The following EDNRB variants were observed in gnomAD, a reference collection of about 807,000 sequenced individuals.
The protein encoded by EDNRB is Hirschsprung disease 2.
Under a neutral mutation model 46.4 loss-of-function variants are expected in EDNRB, and 18 were observed. The ratio of observed to expected loss-of-function variants is 0.39; its 90% confidence interval spans 0.27 to 0.57. EDNRB has a LOEUF of 0.57. Among genes scored for constraint, EDNRB ranks in the 20% least tolerant of loss-of-function variants. The pLI is 0.61. For missense variants in EDNRB, 434 were observed against 537.5 expected (o/e 0.81, Z 1.90); for synonymous variants, 213 against 204.9 (o/e 1.04, Z -0.34).
intron 1 of EDNRB, among the ~76,000 whole-genome samples, chr13:77,969,522 G>A (rs1309177974): frequency 6.6e-6 from 1 of 152,148 alleles, no homozygotes; most frequent in Admixed American, 6.5e-5. Context: ...TTGGGTCTGA[G>A]AAAGTTCTAA....
chr13:77,944,414 C>G (rs996960173), intron 1 of EDNRB, among the ~76,000 whole-genome samples: 7 of 152,102 alleles, frequency 4.6e-5, no homozygotes, highest in Non-Finnish European at 1.0e-4. Context: ...TTTAGTAACT[C>G]ACTGCTCCCA....
At chr13:77,969,043 T>A (rs1881654813) in intron 1 of EDNRB, among the ~76,000 whole-genome samples, 1 of 152,180 alleles carries the variant, frequency 6.6e-6, no homozygotes, top group African/African-American at 2.4e-5. Flanking sequence ...AAAACAGTTT[T>A]CTAAGAAGCA....
chr13:77,926,992 T>A (rs1307417433), intron 1 of EDNRB, among the ~76,000 whole-genome samples: 1 of 152,206 alleles, frequency 6.6e-6, no homozygotes, highest in Admixed American at 6.5e-5. Context: ...ATGAGAACAG[T>A]ATGGGGGAAA....
rs886050325 is a variant in EDNRB, at chr13:77,899,844, G to A, written c.1194+15C>T. 4.4e-6 allele frequency: 7 copies of A among 1,589,846 alleles called. No homozygotes were observed. Among genetic ancestry groups the A allele is most frequent in the East Asian group, 2.2e-5 (1 of 44,618 alleles). The stretch of plus-strand genomic sequence containing the variant: ...CATATTACAAAGAGCTTTTTATTTT[G>A]GGATAGTCTCTTACCTTAAAGCAGT... On this transcript the variant is annotated intron_variant, in intron 6 of 6. Coordinates refer to ENST00000646607, the MANE Select transcript of EDNRB (RefSeq NM_001122659.3).
chr13:77,933,731 G>A (rs1490243237), intron 1 of EDNRB, among the ~76,000 whole-genome samples: 2 of 152,158 alleles, frequency 1.3e-5, no homozygotes, highest in Non-Finnish European at 2.9e-5. Context: ...GATAATGGGC[G>A]ATGTTTCTCA....
upstream of EDNRB, among the ~76,000 whole-genome samples, chr13:77,920,210 A>T (rs1566319065): frequency 1.3e-5 from 2 of 152,230 alleles, no homozygotes; most frequent in Non-Finnish European, 2.9e-5. Flanking sequence ...ACATGAAAAT[A>T]ATCAGAAAGC....
At chr13:77,917,136 C>T (rs917004051) in intron 1 of EDNRB, among the ~76,000 whole-genome samples, 1 of 152,158 alleles carries the variant, frequency 6.6e-6, no homozygotes, top group African/African-American at 2.4e-5. Context: ...TGGTCTTGTC[C>T]ATGAAATAAT....
chr13:77,897,196 C>G lies in EDNRB; in HGVS notation c.*1004G>C. ...TATGAGGTCACTGGCATCTCTCCATCGTAAAGCTATGAGCACAGGGCCTGC... is the reference window on the plus strand; with the variant it reads ...TATGAGGTCACTGGCATCTCTCCATGGTAAAGCTATGAGCACAGGGCCTGC... On this transcript the variant is annotated 3_prime_UTR_variant, in exon 7 of 7. Transcript: ENST00000646607. The G allele has an allele frequency of 1.0e-6, 1 of 985,352 alleles. No homozygotes were observed. The highest frequency in any genetic ancestry group is 1.1e-4 in the East Asian group (1 of 8,774). The allele number at this position is 985,352 out of a possible 1,614,324, so 61.0% of individuals were successfully genotyped here.
chr13:77,946,687 C>T (rs1880929941), intron 1 of EDNRB, among the ~76,000 whole-genome samples: 1 of 152,270 alleles, frequency 6.6e-6, no homozygotes, highest in Admixed American at 6.5e-5. Context: ...ATCCACAAAG[C>T]ACAATGACAG....
chr13:77,958,816 A>C (rs1277976216), intron 1 of EDNRB, among the ~76,000 whole-genome samples: 1 of 152,232 alleles, frequency 6.6e-6, no homozygotes, highest in East Asian at 1.9e-4. Context: ...AATTAATGTA[A>C]ATGTGAAGGC....
intron 1 of EDNRB, among the ~76,000 whole-genome samples, chr13:77,958,512 A>G (rs1048269923): frequency 4.6e-5 from 7 of 152,100 alleles, no homozygotes; most frequent in Non-Finnish European, 1.0e-4. Context: ...AGCTGGGACT[A>G]TGGGCACCCA....
At chr13:77,967,378 A>G (rs914645275) in intron 1 of EDNRB, among the ~76,000 whole-genome samples, 2 of 152,180 alleles carry the variant, frequency 1.3e-5, no homozygotes, top group African/African-American at 2.4e-5. Flanking sequence ...CTCTAGCACC[A>G]TCATCCTTCT....
intron 1 of EDNRB, among the ~76,000 whole-genome samples, chr13:77,970,058 T>A (rs181086480): frequency 6.6e-6 from 1 of 152,214 alleles, no homozygotes; most frequent in African/African-American, 2.4e-5. Context: ...AATTCCAAGA[T>A]TTTTTAGGAA....
In EDNRB at chr13:77,900,617, A is replaced by G; in HGVS notation, c.989T>C (p.Leu330Pro). 6.2e-7 allele frequency: 1 copy of G among 1,612,568 alleles called. No individual in the cohort carries two copies. Among genetic ancestry groups the G allele is most frequent in the Non-Finnish European group, 8.5e-7 (1 of 1,179,098 alleles). Reference sequence around the variant, plus strand: ...GGGAAGCCAGCAGAGGGCAAAGACAAGGACCAGGCAAAAGACGGTTTTGGC... The same window carrying G: ...GGGAAGCCAGCAGAGGGCAAAGACAGGGACCAGGCAAAAGACGGTTTTGGC... Reference protein sequence around the residue: ...EVAKTVFCLVLVFALCWLPLH... With the variant: ...EVAKTVFCLVPVFALCWLPLH... Residue 330 changes from leucine (L) to proline (P), a missense_variant, in exon 5 of 7, where the codon CTT (leucine) becomes CCT (proline). By Grantham distance (98) the Leu-to-Pro change is moderately conservative. Transcript: ENST00000646607.
At chr13:77,949,911 C>T (rs529893300) in intron 1 of EDNRB, among the ~76,000 whole-genome samples, 1 of 152,242 alleles carries the variant, frequency 6.6e-6, no homozygotes, top group East Asian at 1.9e-4. Context: ...CCCTTCCAAC[C>T]AAAGAGTGAC....
intron 1 of EDNRB, among the ~76,000 whole-genome samples, chr13:77,933,231 G>A (rs1031824244): frequency 2.0e-5 from 3 of 152,132 alleles, no homozygotes; most frequent in Non-Finnish European, 2.9e-5. Context: ...TTTCATGCGC[G>A]TCCGTGTGAA....
chr13:77,954,693 G>A (rs1273691276), intron 1 of EDNRB, among the ~76,000 whole-genome samples: 1 of 151,928 alleles, frequency 6.6e-6, no homozygotes, highest in African/African-American at 2.4e-5. Context: ...TTTTAGTAGA[G>A]ATGGGTTTTC....
rs1594372750 is a variant in EDNRB at position 77,917,651 on chromosome 13, T to G, written c.483+440A>C. 2.0e-5 allele frequency among the ~76,000 whole-genome samples: 3 copies of G among 152,306 alleles called. No individual in the cohort carries two copies. The South Asian group carries it at 6.2e-4, about 32-fold the overall frequency. ...AGAGGATGTACCCCATTAGGTGCAC[T>G]TAGGGACTAGATCCTTCAGGACTAG... On this transcript the variant is annotated intron_variant, in intron 1 of 6. Coordinates refer to ENST00000646607, the MANE Select transcript of EDNRB (RefSeq NM_001122659.3).
In EDNRB at chr13:77,916,427, A is replaced by G. The variant is rs571406767; in HGVS notation, c.483+1664T>C. On this transcript the variant is annotated intron_variant, in intron 1 of 6. Transcript: ENST00000646607. ...TGGCTGCATTTAGAGATTCAATTTC[A>G]GCTCTTACCAAGTAAATCCTCACAG... is the stretch of plus-strand genomic sequence containing the variant. Among the ~76,000 whole-genome samples the G allele has an allele frequency of 3.9e-5, 6 of 152,314 alleles. No homozygotes were observed. The South Asian group carries it at 8.3e-4, about 21-fold the overall frequency.
Sources: allele counts gnomAD v4.1 joint callset (sites outside exome capture counted in the v4.1 genomes callset), GRCh38; gene constraint gnomAD v4.1.1; transcripts MANE v1.5; gene names NCBI Gene and HGNC (gene_info 2026-07-23, HGNC 2026-07-21).